Variants in PITPNM1 observed in about 807,000 individuals in gnomAD.
PITPNM1 encodes phosphatidylinositol transfer protein membrane associated 1, also known as membrane-associated phosphatidylinositol transfer protein 1.
A neutral mutation model predicts 133.3 loss-of-function variants in PITPNM1; 74 were observed. The ratio of observed to expected loss-of-function variants is 0.56; its 90% CI spans 0.46 to 0.67. The LOEUF (loss-of-function observed/expected upper bound fraction) is 0.67. Ranked by LOEUF, PITPNM1 falls within the 30% of genes least tolerant of loss-of-function variation. The pLI, the probability that PITPNM1 is intolerant of heterozygous loss-of-function variation, is 0.00. For synonymous variants in PITPNM1, 738 were observed against 741.4 expected (o/e 1.00, Z 0.08); for missense variants, 1,398 against 1,739.5 (o/e 0.80, Z 3.49).
At chr11:67,499,408 C>T (rs1322452123) in intron 8 of PITPNM1, among the ~76,000 whole-genome samples, 1 of 151,554 alleles carries the variant, frequency 6.6e-6, no homozygotes, top group Non-Finnish European at 1.5e-5. Flanking sequence ...CAGCATGGAC[C>T]TAGAAGTTCT....
At chr11:67,494,786 T>A (rs1385441537) in intron 18 of PITPNM1, 60 bp downstream of exon 18, 9 of 363,814 alleles carry the variant, frequency 2.5e-5, no homozygotes, top group African/African-American at 2.0e-4. Context: ...GGGCGGGGCC[T>A]CTCTGGTGAG....
chr11:67,497,882 C>A, intron 12 of PITPNM1, 35 bp downstream of exon 12: 3 of 1,592,670 alleles, frequency 1.9e-6, no homozygotes, highest in Non-Finnish European at 2.6e-6. Context: ...GAGGGCCTTT[C>A]CGCTCCTGAG....
In PITPNM1 at chr11:67,498,853, G is replaced by A; in HGVS notation, c.1234-7C>T. ...CCCCGGCTCCATCCAGGCCCTGGGG[G>A]GAACAATGGGGTGCAGTGGGTGTCA... is the stretch of plus-strand genomic sequence containing the variant. On this transcript the variant is annotated splice_polypyrimidine_tract_variant and splice_region_variant and intron_variant, in intron 9 of 23. Transcript: ENST00000356404. This position sits in a 1 kb window ranked among gnomAD's most constrained non-coding sequence, Gnocchi z 5.7. The A allele has an allele frequency of 6.2e-7, 1 of 1,608,752 alleles. No individual in the cohort carries two copies. The highest frequency in any genetic ancestry group is 8.5e-7 in the Non-Finnish European group (1 of 1,176,342).
chr11:67,504,272 C>T lies in PITPNM1; in HGVS notation c.-41-51G>A, dbSNP rs1187563593. 3 of 739,280 alleles carry T rather than the reference C, an allele frequency of 4.1e-6. No individual in the cohort carries two copies. The highest frequency in any genetic ancestry group is 9.0e-5 in the Admixed American group (2 of 22,258). The allele number at this position is 739,280 out of a possible 1,614,324, so 45.8% of individuals were successfully genotyped here. A position where few individuals can be genotyped will look rare whatever the true frequency, so the allele number is the denominator to read the frequency against. ...CAGTGCGGGGAGGCTGCGCGCGGCC[C>T]CGAGCCCTGCGCGCCGGCCGAGGGA... On this transcript the variant is annotated intron_variant, in intron 1 of 23. Transcript: ENST00000356404. This position sits in a 1 kb window ranked among gnomAD's most constrained non-coding sequence, Gnocchi z 5.4.
At chr11:67,492,515 A>T (rs1245887877) in intron 23 of PITPNM1, among the ~76,000 whole-genome samples, 1 of 152,218 alleles carries the variant, frequency 6.6e-6, no homozygotes, top group Admixed American at 6.5e-5. Flanking sequence ...CAGTCTCCTC[A>T]TCTGGAAAAT....
chr11:67,494,229 C>T lies in PITPNM1; in HGVS notation c.2859+15G>A, dbSNP rs1866031697. The T allele has an allele frequency of 6.2e-7, 1 of 1,607,218 alleles. No homozygotes were observed. The highest frequency in any genetic ancestry group is 1.1e-5 in the South Asian group (1 of 91,002). Reference sequence around the variant, plus strand: ...GGGGCCATGGGACCAGGCGACAGGGCCTCTGGGTCCTGACCTTCTCTCCAG... The same window carrying T: ...GGGGCCATGGGACCAGGCGACAGGGTCTCTGGGTCCTGACCTTCTCTCCAG... On this transcript the variant is annotated intron_variant, in intron 19 of 23. Coordinates refer to ENST00000356404, the MANE Select transcript of PITPNM1 (RefSeq NM_004910.3).
rs1051083478 is a variant in PITPNM1, at chr11:67,502,078, C to T, written c.424G>A (p.Asp142Asn). The change falls in exon 5 of 24, where the codon GAC (aspartate) becomes AAC (asparagine). Residue 142 changes from aspartate (D) to asparagine (N), a missense_variant. Asp to Asn is a conservative substitution (Grantham distance 23, BLOSUM62 1). Coordinates refer to ENST00000356404, the MANE Select transcript of PITPNM1 (RefSeq NM_004910.3). The surrounding 1 kb of genome is among the most constrained non-coding windows in gnomAD (Gnocchi z 5.9). ...GGGGCCACTGCATCCCGCACGATGT[C>T]GATGGTGTCTGAGGGAGTTCGGCAA... is the stretch of plus-strand genomic sequence containing the variant. Reference protein sequence around the residue: ...ERRQRILDTIDIVRDAVAPGE... With the variant: ...ERRQRILDTINIVRDAVAPGE... The T allele has an allele frequency of 6.2e-7, 1 of 1,611,580 alleles. No homozygotes were observed. Among genetic ancestry groups the T allele is most frequent in the Non-Finnish European group, 8.5e-7 (1 of 1,178,982 alleles).
chr11:67,502,357 G>A lies in PITPNM1; in HGVS notation c.350C>T (p.Pro117Leu). ...FSIEIETYYL[P>L]DGGQQPNVFN... is the part of the protein sequence containing the mutation. ...GACGTTTGGCTGCTGCCCCCCATCA[G>A]GCAGGTAATAGGTCTCAATTTCAAT... Residue 117 changes from proline (P) to leucine (L), a missense_variant, in exon 4 of 24, where the codon CCT (proline) becomes CTT (leucine). Pro to Leu is a moderately conservative substitution (Grantham distance 98). This residue lies in a region of PITPNM1 where 274 missense variants were observed against 360.7 expected (regional missense o/e 0.76). Coordinates refer to ENST00000356404, the MANE Select transcript of PITPNM1 (RefSeq NM_004910.3). This position sits in a 1 kb window ranked among gnomAD's most constrained non-coding sequence, Gnocchi z 5.9. 1 of 1,613,782 alleles carries A rather than the reference G, an allele frequency of 6.2e-7. No homozygotes were observed. Among genetic ancestry groups the A allele is most frequent in the Non-Finnish European group, 8.5e-7 (1 of 1,180,016 alleles).
chr11:67,498,691 G>T lies in PITPNM1; in HGVS notation c.1389C>A (p.Val463=). 1 of 1,604,500 alleles carries T rather than the reference G, an allele frequency of 6.2e-7. No individual in the cohort carries two copies. Among genetic ancestry groups the T allele is most frequent in the Non-Finnish European group, 8.5e-7 (1 of 1,179,950 alleles). ...AGGCCTCAGGGAAGTGGATGCGGGT[G>T]ACGGCCTCGAAGGCGGAGCTCAGCG... is the stretch of plus-strand genomic sequence containing the variant. ...VQTLSSAFEA[V]TRIHFPEALG... Residue 463 remains valine (V), a synonymous_variant, in exon 10 of 24, where the codon GTC becomes GTA. Coordinates refer to ENST00000356404, the MANE Select transcript of PITPNM1 (RefSeq NM_004910.3). This position sits in a 1 kb window ranked among gnomAD's most constrained non-coding sequence, Gnocchi z 5.7.
At chr11:67,494,473 G>A (rs1866041502) in intron 18 of PITPNM1, 113 bp from the exon 19 acceptor site, 2 of 736,968 alleles carry the variant, frequency 2.7e-6, no homozygotes, top group Non-Finnish European at 4.3e-6. Flanking sequence ...TAGAGGCGGC[G>A]GGGCATTGAG....
At chr11:67,493,103 C>A in intron 22 of PITPNM1, 41 bp from the exon 23 acceptor site, 1 of 1,610,678 alleles carries the variant, frequency 6.2e-7, no homozygotes, top group Non-Finnish European at 8.5e-7. Flanking sequence ...AGGGGTGGAG[C>A]CGTGCAGCTG....
intron 21 of PITPNM1, 30 bp from the exon 22 acceptor site, chr11:67,493,623 C>T: frequency 6.5e-7 from 1 of 1,545,360 alleles, no homozygotes; most frequent in Non-Finnish European, 8.7e-7. Flanking sequence ...GTCAGCTCCG[C>T]TGGCCAGGGG....
At chr11:67,500,491 C>A (rs1320054916) in intron 5 of PITPNM1, 70 bp from the exon 6 acceptor site, 16 of 1,488,952 alleles carry the variant, frequency 1.1e-5, no homozygotes, top group Non-Finnish European at 1.4e-5. Flanking sequence ...CATGCCCAGC[C>A]TTGAGGTTGG....
intron 15 of PITPNM1, among the ~76,000 whole-genome samples, chr11:67,495,954 G>T (rs1008034989): frequency 1.3e-5 from 2 of 152,214 alleles, no homozygotes; most frequent in African/African-American, 4.8e-5. Context: ...CTGCCAGGGG[G>T]CACCCTCTCT....
In PITPNM1 at chr11:67,502,257, G is replaced by T; in HGVS notation, c.415+35C>A. The T allele has an allele frequency of 6.2e-7, 1 of 1,603,200 alleles. No individual in the cohort carries two copies. Among genetic ancestry groups the T allele is most frequent in the South Asian group, 1.1e-5 (1 of 90,704 alleles). ...ACTGAGGCAGCCAGGAGCCTGAGAGGGGCGCCAGGGTCCCCCCATAGCTCC... is the reference window on the plus strand; with the variant it reads ...ACTGAGGCAGCCAGGAGCCTGAGAGTGGCGCCAGGGTCCCCCCATAGCTCC... On this transcript the variant is annotated intron_variant, in intron 4 of 23. Transcript: ENST00000356404. The surrounding 1 kb of genome is among the most constrained non-coding windows in gnomAD (Gnocchi z 5.9).
chr11:67,504,295 G>C lies in PITPNM1; in HGVS notation c.-41-74C>G, dbSNP rs1275207518. ...CCCCGAGCCCTGCGCGCCGGCCGAGGGACTCAGGCCACGGGACCCCATGTC... is the reference window on the plus strand; with the variant it reads ...CCCCGAGCCCTGCGCGCCGGCCGAGCGACTCAGGCCACGGGACCCCATGTC... On this transcript the variant is annotated intron_variant, in intron 1 of 23. Coordinates refer to ENST00000356404, the MANE Select transcript of PITPNM1 (RefSeq NM_004910.3). This position sits in a 1 kb window ranked among gnomAD's most constrained non-coding sequence, Gnocchi z 5.4. 1 of 514,058 alleles carries C rather than the reference G, an allele frequency of 1.9e-6. No homozygotes were observed. The highest frequency in any genetic ancestry group is 4.7e-5 in the Admixed American group (1 of 21,404). The allele number at this position is 514,058 out of a possible 1,614,324, so 31.8% of individuals were successfully genotyped here.
chr11:67,492,168 G>A lies in PITPNM1; in HGVS notation c.3600C>T (p.Phe1200=). 1 of 1,611,394 alleles carries A rather than the reference G, an allele frequency of 6.2e-7. No individual in the cohort carries two copies. The highest frequency in any genetic ancestry group is 8.5e-7 in the Non-Finnish European group (1 of 1,179,788). Residue 1200 remains phenylalanine, a synonymous_variant, in exon 24 of 24, where the codon TTC becomes TTT. Coordinates refer to ENST00000356404, the MANE Select transcript of PITPNM1 (RefSeq NM_004910.3). ...SSYGVAAPVD[F]LRKQSQLLRS... ...GAAGCAGCTGGCTCTGTTTGCGCAGGAAGTCCACGGGGGCAGCCACACCAT... is the reference window on the plus strand; with the variant it reads ...GAAGCAGCTGGCTCTGTTTGCGCAGAAAGTCCACGGGGGCAGCCACACCAT...
intron 2 of PITPNM1, among the ~76,000 whole-genome samples, chr11:67,503,086 GGT>G (rs1480212024): frequency 1.3e-5 from 2 of 152,196 alleles, no homozygotes; most frequent in Non-Finnish European, 2.9e-5. Flanking sequence ...CAAATTATGT[GGT>G]GTGTTAGAAG....
At position 67,497,970 on chromosome 11, in the gene PITPNM1, G is replaced by T. The variant is rs1183785595; in HGVS notation, c.1729C>A (p.His577Asn). The T allele has an allele frequency of 3.1e-6, 5 of 1,611,178 alleles. No individual in the cohort carries two copies. The highest frequency in any genetic ancestry group is 1.7e-5 in the Admixed American group (1 of 60,002). The change falls in exon 12 of 24, where the codon CAC (histidine) becomes AAC (asparagine). Residue 577 changes from histidine (H) to asparagine (N), a missense_variant. Transcript: ENST00000356404. The part of the protein sequence containing the change: ...GGILGFDALC[H>N]SANAGTGSRG... ...CTCCCGGTGCCCGCGTTAGCACTGT[G>T]GCAGAGTGCATCAAAGCCCAGGATG... is the stretch of plus-strand genomic sequence containing the variant.
Sources: gnomAD v4.1 joint callset for allele counts (sites outside exome capture counted in the v4.1 genomes callset) on GRCh38, gnomAD v4.1.1 for gene constraint, gnomAD v4.1.1 regional missense constraint, Gnocchi (gnomAD v3.1) non-coding constraint, MANE v1.5 for transcripts, NCBI Gene and HGNC (gene_info 2026-07-23, HGNC 2026-07-21) for gene names.